Variants in ZBTB25 observed in about 807,000 individuals in gnomAD.
ZBTB25 encodes zinc finger and BTB domain containing 25.
A neutral mutation model predicts 34.2 loss-of-function variants in ZBTB25; 20 were observed. The observed-to-expected ratio is 0.58, with a 90% CI of 0.41 to 0.85. The LOEUF is 0.85. Ranked by LOEUF, ZBTB25 falls within the 40% of genes least tolerant of loss-of-function variation. The pLI, the probability that ZBTB25 is intolerant of heterozygous loss-of-function variation, is 0.00. For synonymous variants in ZBTB25, 175 were observed against 186.4 expected (o/e 0.94, Z 0.50); for missense variants, 437 against 521.8 (o/e 0.84, Z 1.58).
intron 2 of ZBTB25, chr14:64,469,627 G>A: frequency 6.2e-7 from 1 of 1,606,768 alleles, no homozygotes. Flanking sequence ...TAGAACAGCT[G>A]GTTAATGAAA....
upstream of ZBTB25, among the ~76,000 whole-genome samples, chr14:64,504,321 A>G (rs1296083039): frequency 6.6e-6 from 1 of 151,734 alleles, no homozygotes; most frequent in Non-Finnish European, 1.5e-5. Flanking sequence ...TTGCCGGAGC[A>G]CTCGAGGCGG....
At chr14:64,496,948 C>G (rs1012422316) in intron 1 of ZBTB25, among the ~76,000 whole-genome samples, 2 of 152,112 alleles carry the variant, frequency 1.3e-5, no homozygotes, top group African/African-American at 4.8e-5. Context: ...TGAGAAACCA[C>G]AGGCTCAGAG....
At position 64,481,442 on chromosome 14, in the gene ZBTB25, T is replaced by C. The variant is rs545005963; in HGVS notation, c.*5481A>G. ...GTATTATTGATTTTGGTCTCCTGTA[T>C]TAGCTATGTGTTACATGTACTTTGA... On this transcript the variant is annotated 3_prime_UTR_variant, in exon 3 of 3. Coordinates refer to ENST00000608382, the MANE Select transcript of ZBTB25 (RefSeq NM_006977.5). 1.3e-5 allele frequency: 2 copies of C among 152,394 alleles called. No homozygotes were observed. Among genetic ancestry groups the C allele is most frequent in the South Asian group, 4.1e-4 (2 of 4,832 alleles). 9.4% of individuals were successfully genotyped at this position (152,394 alleles called of 1,614,324 possible).
intron 2 of ZBTB25, among the ~76,000 whole-genome samples, chr14:64,463,639 A>G (rs940851099): frequency 3.3e-5 from 5 of 151,150 alleles, no homozygotes; most frequent in African/African-American, 4.9e-5. Context: ...AAAAAAAAAA[A>G]AAGAAGAAGA....
At chr14:64,472,507 A>G (rs2078683611) in intron 2 of ZBTB25, 1 of 166,890 alleles carries the variant, frequency 6.0e-6, no homozygotes, top group African/African-American at 2.4e-5. Context: ...GTGGTTTGAT[A>G]TATATTTTTG....
chr14:64,450,896 A>C (rs1466851484), intron 2 of ZBTB25, among the ~76,000 whole-genome samples: 1 of 152,094 alleles, frequency 6.6e-6, no homozygotes, highest in Non-Finnish European at 1.5e-5. Flanking sequence ...GGCCAGGCAC[A>C]GTGGCTCACC....
Position 64,486,183 on chromosome 14 carries a change from T to A in ZBTB25, c.*740A>T, listed in dbSNP as rs2078857520. ...TGGGCGTGGTGGCGGGCGCCTGTAGTCCCAGCTGCTCAGGAGGCTGAGGCA... is the reference window on the plus strand; with the variant it reads ...TGGGCGTGGTGGCGGGCGCCTGTAGACCCAGCTGCTCAGGAGGCTGAGGCA... On this transcript the variant is annotated 3_prime_UTR_variant, in exon 3 of 3. Transcript: ENST00000608382. The A allele has an allele frequency of 2.8e-6, 2 of 713,668 alleles. No homozygotes were observed. The highest frequency in any genetic ancestry group is 1.3e-4 in the South Asian group (2 of 15,706). 44.2% of individuals were successfully genotyped at this position (713,668 alleles called of 1,614,324 possible). A position where few individuals can be genotyped will look rare whatever the true frequency, so the allele number is the denominator to read the frequency against.
intron 2 of ZBTB25, among the ~76,000 whole-genome samples, chr14:64,466,735 C>T (rs1453346953): frequency 6.6e-6 from 1 of 152,114 alleles, no homozygotes; most frequent in Non-Finnish European, 1.5e-5. Context: ...TTATGGGTTA[C>T]CCAAATGAAA....
In ZBTB25 at chr14:64,490,389, AAT is replaced by A; in HGVS notation, c.143_144del (p.Tyr48PhefsTer11). On this transcript the variant is annotated frameshift_variant, in exon 2 of 3. Transcript: ENST00000608382. LOFTEE classifies it high-confidence loss of function. ...HRAVLAAFSNYFKMIFIHQTS... is the reference protein window; with the variant it reads ...HRAVLAAFSNXFKMIFIHQTS... ...GTTTGGTGAATAAATATCATCTTGA[AAT>A]AGTTAGAAAAAGCAGCAAGCACTGC... The A allele has an allele frequency of 6.2e-7, 1 of 1,606,554 alleles. No homozygotes were observed. The highest frequency in any genetic ancestry group is 1.7e-5 in the Admixed American group (1 of 59,398).
chr14:64,451,175 T>A (rs2078365824), intron 2 of ZBTB25, among the ~76,000 whole-genome samples: 2 of 151,432 alleles, frequency 1.3e-5, no homozygotes, highest in Admixed American at 6.6e-5. Flanking sequence ...AAAAAAAAAA[T>A]TTTGTTTTAT....
At chr14:64,477,384 A>AT (rs1272516838), downstream of ZBTB25, among the ~76,000 whole-genome samples, 1 of 152,220 alleles carries the variant, frequency 6.6e-6, no homozygotes. Context: ...GATATTTAAG[A>AT]TTTTAAAAAA....
intron 2 of ZBTB25, chr14:64,458,346 A>C: frequency 6.0e-5 from 76 of 1,272,664 alleles, no homozygotes; most frequent in Non-Finnish European, 8.2e-5. Context: ...TTTTTTCCTC[A>C]TGTAGCTTAT....
At position 64,485,554 on chromosome 14, in the gene ZBTB25, C is replaced by T. The variant is rs1052874225; in HGVS notation, c.*1369G>A. 1.0e-5 allele frequency: 10 copies of T among 985,024 alleles called. No homozygotes were observed. The African/African-American group carries it at 1.8e-4, about 17-fold the overall frequency. The allele number at this position is 985,024 out of a possible 1,614,324, so 61.0% of individuals were successfully genotyped here. Reference sequence around the variant, plus strand: ...TGGGGTTTTAGCTTTGTAAGTGTCACCATTATAAAAGAGAGTTAAGTTGAT... The same window carrying T: ...TGGGGTTTTAGCTTTGTAAGTGTCATCATTATAAAAGAGAGTTAAGTTGAT... On this transcript the variant is annotated 3_prime_UTR_variant, in exon 3 of 3. Transcript: ENST00000608382.
intron 2 of ZBTB25, chr14:64,469,309 G>A: frequency 6.2e-7 from 1 of 1,613,290 alleles, no homozygotes; most frequent in Non-Finnish European, 8.5e-7. Context: ...AAGAAACTAA[G>A]CCAAAAGATA....
chr14:64,498,535 T>C (rs1173028618), intron 1 of ZBTB25, among the ~76,000 whole-genome samples: 1 of 152,222 alleles, frequency 6.6e-6, no homozygotes, highest in Non-Finnish European at 1.5e-5. Context: ...GGTCTTGAAC[T>C]CCTGACCTCA....
rs558569700 is a variant in ZBTB25, at chr14:64,500,582, G to A, written c.-8+3079C>T. Reference sequence around the variant, plus strand: ...GGAGGCCGAGGAGGGTGGATCACCTGAGGTCAGAGTTCAAGACCAGCCTGG... The same window carrying A: ...GGAGGCCGAGGAGGGTGGATCACCTAAGGTCAGAGTTCAAGACCAGCCTGG... On this transcript the variant is annotated intron_variant, in intron 1 of 2. Coordinates refer to ENST00000608382, the MANE Select transcript of ZBTB25 (RefSeq NM_006977.5). 3.3e-5 allele frequency among the ~76,000 whole-genome samples: 5 copies of A among 151,996 alleles called. No individual in the cohort carries two copies. In the South Asian group the frequency reaches 1.0e-3, roughly 32 times the overall value.
chr14:64,490,466 A>C lies in ZBTB25; in HGVS notation c.68T>G (p.Leu23Arg). Residue 23 changes from leucine (L) to arginine (R), a missense_variant, in exon 2 of 3, where the codon CTG becomes CGG. Coordinates refer to ENST00000608382, the MANE Select transcript of ZBTB25 (RefSeq NM_006977.5). ...TCCAATTGCAACTGTGCAATCACAC[A>C]GAAAACCAAATTCTCGCTGCATGTT... ...QLNMQREFGF[L>R]CDCTVAIGDV... is the part of the protein sequence containing the mutation. 6.2e-7 allele frequency: 1 copy of C among 1,613,962 alleles called. No individual in the cohort carries two copies. The highest frequency in any genetic ancestry group is 8.5e-7 in the Non-Finnish European group (1 of 1,179,852).
chr14:64,485,901 C>A lies in ZBTB25; in HGVS notation c.*1022G>T. The A allele has an allele frequency of 2.0e-6, 2 of 985,388 alleles. No homozygotes were observed. The highest frequency in any genetic ancestry group is 9.4e-5 in the South Asian group (2 of 21,280). 61.0% of individuals were successfully genotyped at this position (985,388 alleles called of 1,614,324 possible). ...ACAACCCTGGGGTTTTTAGTCAATG[C>A]AGTTCTAGCTCAGTCTCTGTCTCTG... On this transcript the variant is annotated 3_prime_UTR_variant, in exon 3 of 3. Coordinates refer to ENST00000608382, the MANE Select transcript of ZBTB25 (RefSeq NM_006977.5).
chr14:64,475,168 G>A (rs891005372), downstream of ZBTB25, among the ~76,000 whole-genome samples: 2 of 152,102 alleles, frequency 1.3e-5, no homozygotes, highest in Admixed American at 6.6e-5. Context: ...GGCCGGGCGC[G>A]GTGGCTCACA....
Sources: gnomAD v4.1 joint callset for allele counts (sites outside exome capture counted in the v4.1 genomes callset) on GRCh38, gnomAD v4.1.1 for gene constraint, MANE v1.5 for transcripts, NCBI Gene and HGNC (gene_info 2026-07-23, HGNC 2026-07-21) for gene names.